The following SAMD4A variants were observed in gnomAD, a reference collection of about 807,000 sequenced individuals.
SAMD4A encodes sterile alpha motif domain containing 4A, also known as protein Smaug homolog 1.
In SAMD4A, 33 loss-of-function variants were observed where a neutral mutation model predicts 81.3. The observed-to-expected ratio is 0.41, with a 90% CI of 0.31 to 0.54. The LOEUF is 0.54. Ranked by LOEUF, SAMD4A falls within the 20% of genes least tolerant of loss-of-function variation. SAMD4A has a pLI of 0.37. For synonymous variants in SAMD4A, 389 were observed against 382.1 expected (o/e 1.02, Z -0.21); for missense variants, 854 against 951.1 (o/e 0.90, Z 1.34).
chr14:54,751,569 T>C (rs1217233502), intron 6 of SAMD4A, 32 bp downstream of exon 6: 1 of 1,369,948 alleles, frequency 7.3e-7, no homozygotes, highest in Non-Finnish European at 1.0e-6. Flanking sequence ...CATTTCCACT[T>C]TCATTATGGG....
At chr14:54,644,461 C>T (rs1466350672) in intron 2 of SAMD4A, among the ~76,000 whole-genome samples, 2 of 152,136 alleles carry the variant, frequency 1.3e-5, no homozygotes, top group African/African-American at 4.8e-5. Flanking sequence ...TTCATTTCAC[C>T]TTCACAACAC....
chr14:54,774,862 T>G, intron 9 of SAMD4A, 72 bp from the exon 10 acceptor site: 2 of 1,438,904 alleles, frequency 1.4e-6, no homozygotes, highest in Non-Finnish European at 1.9e-6. Flanking sequence ...GCGACATCCC[T>G]TGGGAAGCCT....
At chr14:54,734,852 A>G (rs1026467313) in intron 3 of SAMD4A, 5 of 152,196 alleles carry the variant, frequency 3.3e-5, no homozygotes, top group African/African-American at 1.2e-4. Flanking sequence ...CTATTCAGTT[A>G]TGGCCTCTAA....
intron 11 of SAMD4A, 124 bp downstream of exon 11, chr14:54,776,664 C>G (rs1400142680): frequency 2.5e-6 from 3 of 1,195,402 alleles, no homozygotes; most frequent in East Asian, 2.9e-5. Flanking sequence ...CTTATAGAAG[C>G]CTTTCCTTTT....
chr14:54,633,661 G>A (rs1239993170), intron 2 of SAMD4A, among the ~76,000 whole-genome samples: 3 of 151,980 alleles, frequency 2.0e-5, no homozygotes, highest in Non-Finnish European at 2.9e-5. Context: ...GGGGCAGGAG[G>A]AGTCAGGGAG....
rs2033616375 is a variant in SAMD4A, at chr14:54,586,307, T to C, written c.196+18195T>C. 2.0e-5 allele frequency among the ~76,000 whole-genome samples: 3 copies of C among 152,186 alleles called. No homozygotes were observed. In the South Asian group the frequency reaches 6.2e-4, roughly 32 times the overall value. ...TCTTCTTGCTGAGTTGTTTGAATTC[T>C]TTATAGATTCTGCAAATTAGTCCTT... On this transcript the variant is annotated intron_variant, in intron 2 of 12. Coordinates refer to ENST00000554335, the MANE Select transcript of SAMD4A (RefSeq NM_015589.6).
At chr14:54,777,129 G>T (rs1176588027) in intron 11 of SAMD4A, among the ~76,000 whole-genome samples, 1 of 152,144 alleles carries the variant, frequency 6.6e-6, no homozygotes, top group African/African-American at 2.4e-5. Context: ...CAGTGATCTT[G>T]TAGACTTTGT....
In SAMD4A at chr14:54,736,968, G is replaced by A. The variant is rs148020714; in HGVS notation, c.716-56G>A. 772 of 1,592,474 alleles carry A rather than the reference G, an allele frequency of 4.8e-4. 2 individuals carry two copies. In the African/African-American group the frequency reaches 9.2e-3, roughly 19 times the overall value. ...GGTTAAGAGGTATTGTGGGTTCTTC[G>A]GTGTCCCAGGATAAAGGGGGGGGAA... On this transcript the variant is annotated intron_variant, in intron 3 of 12. Transcript: ENST00000554335.
chr14:54,788,093 C>T (rs553519138), intron 12 of SAMD4A, among the ~76,000 whole-genome samples: 7 of 152,196 alleles, frequency 4.6e-5, no homozygotes, highest in Non-Finnish European at 1.0e-4. Context: ...ACTCTCCCAC[C>T]TCCCCAAGAC....
chr14:54,659,355 C>T (rs1373830874), intron 2 of SAMD4A, among the ~76,000 whole-genome samples: 1 of 152,100 alleles, frequency 6.6e-6, no homozygotes, highest in African/African-American at 2.4e-5. Flanking sequence ...TGCCATCTTC[C>T]CTTGGTGGTA....
chr14:54,623,686 G>A (rs939551547), intron 2 of SAMD4A, among the ~76,000 whole-genome samples: 6 of 152,070 alleles, frequency 3.9e-5, no homozygotes, highest in African/African-American at 1.4e-4. Context: ...GGAAGGATAG[G>A]TATCCATGTA....
intron 8 of SAMD4A, among the ~76,000 whole-genome samples, chr14:54,766,620 G>A (rs866515084): frequency 6.6e-5 from 10 of 152,170 alleles, no homozygotes; most frequent in Non-Finnish European, 8.8e-5. Flanking sequence ...GCAGGGCTCC[G>A]TGTTTTGTTG....
intron 2 of SAMD4A, among the ~76,000 whole-genome samples, chr14:54,623,985 T>G (rs1395784017): frequency 6.6e-6 from 1 of 152,192 alleles, no homozygotes; most frequent in South Asian, 2.1e-4. Flanking sequence ...ATTCCTTTTT[T>G]TTTTCTTTTT....
intron 5 of SAMD4A, 39 bp from the exon 6 acceptor site, chr14:54,751,412 T>A: frequency 7.7e-7 from 1 of 1,291,298 alleles, no homozygotes; most frequent in Non-Finnish European, 1.1e-6. Context: ...AATATGTTTT[T>A]AAATATACAT....
intron 2 of SAMD4A, among the ~76,000 whole-genome samples, chr14:54,645,445 G>A (rs1223639038): frequency 3.3e-5 from 5 of 152,108 alleles, no homozygotes; most frequent in African/African-American, 9.7e-5. Context: ...ATTAATTTAC[G>A]AAAGACTCTG....
chr14:54,616,102 A>G (rs1190190515), intron 2 of SAMD4A, among the ~76,000 whole-genome samples: 1 of 152,214 alleles, frequency 6.6e-6, no homozygotes, highest in Non-Finnish European at 1.5e-5. Flanking sequence ...ACTGCAGGCA[A>G]ATAGCTTCCT....
chr14:54,689,217 G>A (rs1274769302), intron 2 of SAMD4A, among the ~76,000 whole-genome samples: 1 of 152,130 alleles, frequency 6.6e-6, no homozygotes. Flanking sequence ...ACAGGCATGA[G>A]CCACCGCGCC....
intron 2 of SAMD4A, among the ~76,000 whole-genome samples, chr14:54,596,979 A>G (rs1022889097): frequency 6.6e-6 from 1 of 152,166 alleles, no homozygotes. Context: ...ATCAGATCTT[A>G]TGAAAGGGAG....
intron 4 of SAMD4A, among the ~76,000 whole-genome samples, chr14:54,746,171 C>T (rs1190496977): frequency 1.3e-5 from 2 of 152,234 alleles, no homozygotes; most frequent in African/African-American, 2.4e-5. Flanking sequence ...AGGTACCTCA[C>T]CACAATCCAG....
Sources: allele counts gnomAD v4.1 joint callset (sites outside exome capture counted in the v4.1 genomes callset), GRCh38; gene constraint gnomAD v4.1.1; transcripts MANE v1.5; gene names NCBI Gene and HGNC (gene_info 2026-07-23, HGNC 2026-07-21).